Variants in THSD7B observed in about 807,000 individuals in gnomAD.
THSD7B encodes the protein thrombospondin type 1 domain containing 7B.
A neutral mutation model predicts 213.6 loss-of-function variants in THSD7B; 138 were observed. That is an observed-to-expected ratio of 0.65 (90% CI 0.56 to 0.74). The LOEUF (loss-of-function observed/expected upper bound fraction) is 0.74. Among genes scored for constraint, THSD7B ranks in the 30% least tolerant of loss-of-function variants. The pLI is 0.00. For missense variants in THSD7B, 1,931 were observed against 1,991.5 expected, an observed-to-expected ratio of 0.97 and a Z score of 0.58; for synonymous variants, 742 against 687.0, an observed-to-expected ratio of 1.08 and a Z score of -1.25.
At chr2:137,630,661 G>A (rs1682723713) in intron 20 of THSD7B, among the ~76,000 whole-genome samples, 1 of 152,184 alleles carries the variant, frequency 6.6e-6, no homozygotes, top group Non-Finnish European at 1.5e-5. Context: ...AGACCAAATT[G>A]TGGAGCTGCA....
At chr2:136,893,636 G>A (rs925978031) in intron 2 of THSD7B, among the ~76,000 whole-genome samples, 22 of 152,136 alleles carry the variant, frequency 1.4e-4, no homozygotes, top group African/African-American at 5.1e-4. Context: ...GACCTTAGAT[G>A]CCATAAACCA....
At chr2:136,956,427 C>T (rs1163759935) in intron 2 of THSD7B, among the ~76,000 whole-genome samples, 6 of 152,096 alleles carry the variant, frequency 3.9e-5, no homozygotes, top group Non-Finnish European at 7.4e-5. Context: ...ACCAATAGCC[C>T]CGTGTCTCTC....
At chr2:137,341,959 G>A (rs547303515) in intron 12 of THSD7B, among the ~76,000 whole-genome samples, 2 of 151,052 alleles carry the variant, frequency 1.3e-5, no homozygotes, top group African/African-American at 2.4e-5. Flanking sequence ...GATTGTATTG[G>A]CTATTCAAGA....
chr2:136,808,075 C>T (rs904245045), intron 1 of THSD7B, among the ~76,000 whole-genome samples: 1 of 152,166 alleles, frequency 6.6e-6, no homozygotes, highest in Non-Finnish European at 1.5e-5. Flanking sequence ...TTATTCTTCT[C>T]CCTTTGCTTT....
chr2:137,499,797 C>T (rs570070160), intron 15 of THSD7B, among the ~76,000 whole-genome samples: 1 of 152,058 alleles, frequency 6.6e-6, no homozygotes, highest in African/African-American at 2.4e-5. Context: ...TAGCTGAAAG[C>T]CAAATGCATG....
intron 20 of THSD7B, among the ~76,000 whole-genome samples, chr2:137,635,094 A>T (rs1682808758): frequency 1.3e-5 from 2 of 152,184 alleles, no homozygotes; most frequent in African/African-American, 4.8e-5. Flanking sequence ...AGGGAAAAAG[A>T]GGAAAAGGCT....
chr2:137,647,589 C>T (rs1195044035), intron 21 of THSD7B, among the ~76,000 whole-genome samples: 1 of 152,098 alleles, frequency 6.6e-6, no homozygotes. Flanking sequence ...AACTTCTGGA[C>T]TTAGTGAAAG....
intron 1 of THSD7B, among the ~76,000 whole-genome samples, chr2:136,796,545 G>A (rs991564041): frequency 1.3e-5 from 2 of 151,968 alleles, no homozygotes; most frequent in African/African-American, 4.8e-5. Flanking sequence ...TGAGTGTTGG[G>A]TGCTACCTGT....
intron 12 of THSD7B, among the ~76,000 whole-genome samples, chr2:137,356,201 A>T (rs1325392269): frequency 6.6e-6 from 1 of 152,176 alleles, no homozygotes; most frequent in African/African-American, 2.4e-5. Context: ...CTTTATGCTT[A>T]CTACTTTTAT....
At chr2:136,975,321 T>C (rs963304785) in intron 2 of THSD7B, among the ~76,000 whole-genome samples, 9 of 152,198 alleles carry the variant, frequency 5.9e-5, no homozygotes, top group African/African-American at 2.2e-4. Context: ...TAGGGTTTTA[T>C]AGTTTTGGGC....
At chr2:137,089,628 G>A (rs995929859) in intron 3 of THSD7B, among the ~76,000 whole-genome samples, 3 of 151,996 alleles carry the variant, frequency 2.0e-5, no homozygotes, top group African/African-American at 7.2e-5. Flanking sequence ...AAAGGCATAA[G>A]AATGACACAA....
intron 2 of THSD7B, among the ~76,000 whole-genome samples, chr2:136,896,014 T>C: frequency 6.6e-6 from 1 of 152,226 alleles, no homozygotes; most frequent in East Asian, 1.9e-4. Context: ...CACATTTGTG[T>C]TGTTTCTACT....
At chr2:136,870,058 C>G (rs1277735296) in intron 1 of THSD7B, among the ~76,000 whole-genome samples, 1 of 120,882 alleles carries the variant, frequency 8.3e-6, no homozygotes, top group East Asian at 2.4e-4. Flanking sequence ...GGCGAAAGAG[C>G]GAGACTCCGT....
chr2:136,960,958 G>A (rs1183301707), intron 2 of THSD7B, among the ~76,000 whole-genome samples: 4 of 151,156 alleles, frequency 2.6e-5, no homozygotes, highest in African/African-American at 9.7e-5. Context: ...GCAAGGTGGC[G>A]GGCGCCTGTG....
chr2:137,489,393 C>T (rs1688555323), intron 15 of THSD7B, among the ~76,000 whole-genome samples: 1 of 149,080 alleles, frequency 6.7e-6, no homozygotes, highest in African/African-American at 2.5e-5. Context: ...CATGGCACTC[C>T]AGCCTGGTGA....
At chr2:137,140,353 A>G (rs182170463) in intron 5 of THSD7B, among the ~76,000 whole-genome samples, 37 of 152,306 alleles carry the variant, frequency 2.4e-4, no homozygotes, top group African/African-American at 8.9e-4. Context: ...ATAACAAACG[A>G]AGTATACAGC....
chr2:136,941,326 G>A (rs1216757372), intron 2 of THSD7B, among the ~76,000 whole-genome samples: 4 of 152,162 alleles, frequency 2.6e-5, no homozygotes, highest in Non-Finnish European at 4.4e-5. Flanking sequence ...ACGTGTTCAT[G>A]TGTCTTTATA....
At chr2:137,107,308 G>C (rs1441945041) in intron 4 of THSD7B, among the ~76,000 whole-genome samples, 1 of 152,172 alleles carries the variant, frequency 6.6e-6, no homozygotes, top group Non-Finnish European at 1.5e-5. Context: ...AACACTGCAT[G>C]TTCTCACTCA....
intron 1 of THSD7B, among the ~76,000 whole-genome samples, chr2:136,795,124 A>G (rs947503334): frequency 9.2e-5 from 14 of 151,974 alleles, no homozygotes; most frequent in Non-Finnish European, 2.1e-4. Context: ...TAGCTCGTTG[A>G]CTTAACAACA....
Sources: gnomAD v4.1 joint callset for allele counts (sites outside exome capture counted in the v4.1 genomes callset) on GRCh38, gnomAD v4.1.1 for gene constraint, MANE v1.5 for transcripts, NCBI Gene and HGNC (gene_info 2026-07-23, HGNC 2026-07-21) for gene names.